The following NFATC4 variants were observed in gnomAD, a reference collection of about 807,000 sequenced individuals.
NFATC4 encodes nuclear factor of activated T-cells, cytoplasmic 4.
NFATC4 carries 25 observed loss-of-function variants against 73.4 expected under a neutral mutation model. The observed-to-expected ratio is 0.34, with a 90% CI of 0.25 to 0.48. NFATC4 has a LOEUF of 0.48. NFATC4 is among the 20% of genes least tolerant of loss of function. The pLI is 0.99. For missense variants in NFATC4, 1,130 were observed against 1,203.7 expected, an observed-to-expected ratio of 0.94 and a Z score of 0.91; for synonymous variants, 523 against 510.3, an observed-to-expected ratio of 1.02 and a Z score of -0.34.
intron 2 of NFATC4, 71 bp downstream of exon 2, chr14:24,370,665 G>A: frequency 6.5e-7 from 1 of 1,527,254 alleles, no homozygotes. Flanking sequence ...TCAAGGGATG[G>A]ATTTGAAGAC....
rs1373030318 is a variant in NFATC4 at position 24,376,819 on chromosome 14, G to T, written c.2582G>T (p.Gly861Val). 1 of 1,605,006 alleles carries T rather than the reference G, an allele frequency of 6.2e-7. No homozygotes were observed. Among genetic ancestry groups the T allele is most frequent in the East Asian group, 2.2e-5 (1 of 44,832 alleles). Residue 861 changes from glycine to valine, a missense_variant, in exon 9 of 10, where the codon GGT (glycine) becomes GTT (valine). This residue lies in a region of NFATC4 where 390 missense variants were observed against 408.1 expected (regional missense o/e 0.96). Transcript: ENST00000250373. This position sits in a 1 kb window ranked among gnomAD's most constrained non-coding sequence, Gnocchi z 5.0. ...GCTCCGGAGCAGGAGAAATCCAGGGGTGGCTACAGCAGCGGCTTCCGAGAC... is the reference window on the plus strand; with the variant it reads ...GCTCCGGAGCAGGAGAAATCCAGGGTTGGCTACAGCAGCGGCTTCCGAGAC... ...EGAPEQEKSR[G>V]GYSSGFRDSV...
At position 24,377,440 on chromosome 14, in the gene NFATC4, G is replaced by A; in HGVS notation, c.2642-198G>A. On this transcript the variant is annotated intron_variant, in intron 9 of 9. Coordinates refer to ENST00000250373, the MANE Select transcript of NFATC4 (RefSeq NM_004554.5). The surrounding 1 kb of genome is among the most constrained non-coding windows in gnomAD (Gnocchi z 4.2). ...ACGGGTGCCTGGGAGCCCACATGGA[G>A]GGAGTTGGGCAAGATTTGATTCGGA... is the stretch of plus-strand genomic sequence containing the variant. 1 of 1,425,534 alleles carries A rather than the reference G, an allele frequency of 7.0e-7. No individual in the cohort carries two copies. Among genetic ancestry groups the A allele is most frequent in the Non-Finnish European group, 9.1e-7 (1 of 1,093,402 alleles). 88.3% of individuals were successfully genotyped at this position (1,425,534 alleles called of 1,614,324 possible). A position where few individuals can be genotyped will look rare whatever the true frequency, so the allele number is the denominator to read the frequency against.
rs114981152 is a variant in NFATC4 at position 24,375,936 on chromosome 14, T to C, written c.1930-39T>C. The C allele has an allele frequency of 4.0e-4, 647 of 1,613,000 alleles. 4 individuals carry two copies. In the African/African-American group the frequency reaches 8.0e-3, roughly 20 times the overall value. ...CTGGAAAGGCTGGGCTAAGCCCAGA[T>C]GCCCGAGGGCTCCCTGCCTCATTTT... is the stretch of plus-strand genomic sequence containing the variant. On this transcript the variant is annotated intron_variant, in intron 7 of 9. Transcript: ENST00000250373.
Position 24,373,345 on chromosome 14 carries a change from C to T in NFATC4, c.1534C>T (p.Leu512=). 3.1e-6 allele frequency: 5 copies of T among 1,614,146 alleles called. No homozygotes were observed. Among genetic ancestry groups the T allele is most frequent in the Non-Finnish European group, 3.4e-6 (4 of 1,180,054 alleles). ...CACCAAGGTGTTGGAGATGACTCTG[C>T]TGCCTGAGAACAACATGGCGGCCAA... ...SGTKVLEMTL[L]PENNMAANID... The change falls in exon 4 of 10, where the codon CTG becomes TTG. Residue 512 remains leucine (L), a synonymous_variant. Transcript: ENST00000250373. The surrounding 1 kb of genome is among the most constrained non-coding windows in gnomAD (Gnocchi z 4.7).
intron 1 of NFATC4, 128 bp downstream of exon 1, chr14:24,368,568 G>C: frequency 2.0e-6 from 2 of 1,015,316 alleles, no homozygotes; most frequent in Non-Finnish European, 2.5e-6. Context: ...GGGAGTCGGG[G>C]GGACTCGTTG....
In NFATC4 at chr14:24,373,806, C is replaced by A. The variant is rs767254119; in HGVS notation, c.1671C>A (p.His557Gln). 4 of 1,614,112 alleles carry A rather than the reference C, an allele frequency of 2.5e-6. No individual in the cohort carries two copies. The highest frequency in any genetic ancestry group is 1.6e-4 in the Middle Eastern group (1 of 6,062). Reference sequence around the variant, plus strand: ...GTGTACGGCTGGTGTTCCGGGTACACGTGCCCCAGGGCGGCGGGAAGGTCG... The same window carrying A: ...GTGTACGGCTGGTGTTCCGGGTACAAGTGCCCCAGGGCGGCGGGAAGGTCG... Reference protein sequence around the residue: ...NTRVRLVFRVHVPQGGGKVVS... With the variant: ...NTRVRLVFRVQVPQGGGKVVS... The change falls in exon 5 of 10, where the codon CAC becomes CAA. Residue 557 changes from histidine to glutamine, a missense_variant. By Grantham distance (24) the His-to-Gln change is conservative (BLOSUM62 0). Around this residue, in one of 3 missense-constraint regions of NFATC4, gnomAD observed 155 missense variants for 221.2 expected, o/e 0.70. Coordinates refer to ENST00000250373, the MANE Select transcript of NFATC4 (RefSeq NM_004554.5). This position sits in a 1 kb window ranked among gnomAD's most constrained non-coding sequence, Gnocchi z 4.7.
In NFATC4 at chr14:24,368,302, T is replaced by C; in HGVS notation, c.-39T>C. 7.3e-7 allele frequency: 1 copy of C among 1,376,764 alleles called. No individual in the cohort carries two copies. The highest frequency in any genetic ancestry group is 9.4e-7 in the Non-Finnish European group (1 of 1,065,730). 85.3% of individuals were successfully genotyped at this position (1,376,764 alleles called of 1,614,324 possible). A position where few individuals can be genotyped will look rare whatever the true frequency, so the allele number is the denominator to read the frequency against. ...TACAGCAGCCTCCTGAACTCCCCCC[T>C]CCCACCCAGGCCGGGACCTGGGGGC... On this transcript the variant is annotated 5_prime_UTR_variant, in exon 1 of 10. Coordinates refer to ENST00000250373, the MANE Select transcript of NFATC4 (RefSeq NM_004554.5).
At position 24,376,460 on chromosome 14, in the gene NFATC4, C is replaced by A. The variant is rs147125766; in HGVS notation, c.2223C>A (p.Phe741Leu). ...AAACTCCTTACCTATCAGAAGGCTT[C>A]GGCTATGGCATGCCCCCTCTGTACC... ...ACETPYLSEGFGYGMPPLYPQ... is the reference protein window; with the variant it reads ...ACETPYLSEGLGYGMPPLYPQ... The change falls in exon 9 of 10, where the codon TTC (phenylalanine) becomes TTA (leucine). Residue 741 changes from phenylalanine to leucine, a missense_variant. Physicochemically the swap from Phe to Leu is conservative, Grantham distance 22. Coordinates refer to ENST00000250373, the MANE Select transcript of NFATC4 (RefSeq NM_004554.5). The surrounding 1 kb of genome is among the most constrained non-coding windows in gnomAD (Gnocchi z 5.0). 72 of 1,613,754 alleles carry A rather than the reference C, an allele frequency of 4.5e-5. No homozygotes were observed. Among genetic ancestry groups the A allele is most frequent in the Non-Finnish European group, 5.9e-5 (70 of 1,179,830 alleles).
chr14:24,368,424 G>A lies in NFATC4; in HGVS notation c.84G>A (p.Ala28=). Residue 28 remains alanine (A), a synonymous_variant, in exon 1 of 10, where the codon GCG becomes GCA. Transcript: ENST00000250373. The part of the protein sequence containing the change: ...GEEKEAPPLG[A]GGLGEELDSE... Reference sequence around the variant, plus strand: ...AAAAGGAGGCCCCCCCGCTGGGCGCGGGGGGATTGGGGGAAGGTTAGTGCT... The same window carrying A: ...AAAAGGAGGCCCCCCCGCTGGGCGCAGGGGGATTGGGGGAAGGTTAGTGCT... The A allele has an allele frequency of 7.4e-7, 1 of 1,342,482 alleles. No individual in the cohort carries two copies. The highest frequency in any genetic ancestry group is 1.5e-5 in the African/African-American group (1 of 65,504). 83.2% of individuals were successfully genotyped at this position (1,342,482 alleles called of 1,614,324 possible).
Position 24,370,605 on chromosome 14 carries a change from C to T in NFATC4, c.1196+11C>T, listed in dbSNP as rs56305813. On this transcript the variant is annotated intron_variant, in intron 2 of 9. Coordinates refer to ENST00000250373, the MANE Select transcript of NFATC4 (RefSeq NM_004554.5). ...CAGCCCTATCTTCAGGTGAGGGTTG[C>T]GCCTGGCACTACCGCTCTCTCTAGC... 50 of 1,596,716 alleles carry T rather than the reference C, an allele frequency of 3.1e-5. No individual in the cohort carries two copies. In the East Asian group the frequency reaches 4.7e-4, roughly 15 times the overall value.
In NFATC4 at chr14:24,377,581, T is replaced by C; in HGVS notation, c.2642-57T>C. The C allele has an allele frequency of 6.2e-7, 1 of 1,612,682 alleles. No homozygotes were observed. Among genetic ancestry groups the C allele is most frequent in the Non-Finnish European group, 8.5e-7 (1 of 1,179,268 alleles). ...CCTGGAATGGATTGGGGGTGGGTCT[T>C]TGGAAAAGGAGGGGACCCACCTCTA... is the stretch of plus-strand genomic sequence containing the variant. On this transcript the variant is annotated intron_variant, in intron 9 of 9. Coordinates refer to ENST00000250373, the MANE Select transcript of NFATC4 (RefSeq NM_004554.5). The surrounding 1 kb of genome is among the most constrained non-coding windows in gnomAD (Gnocchi z 4.2).
Position 24,368,194 on chromosome 14 carries a change from G to T in NFATC4, c.-147G>T. ...AGTTTGGAAAAGTTTCTATAATAAC[G>T]AGGGGGCTTCTGGAGGGAGGCGGCA... On this transcript the variant is annotated 5_prime_UTR_variant, in exon 1 of 10. Transcript: ENST00000250373. 1 of 1,278,984 alleles carries T rather than the reference G, an allele frequency of 7.8e-7. No individual in the cohort carries two copies. Among genetic ancestry groups the T allele is most frequent in the Non-Finnish European group, 9.9e-7 (1 of 1,008,242 alleles). 79.2% of individuals were successfully genotyped at this position (1,278,984 alleles called of 1,614,324 possible).
chr14:24,368,537 G>C, intron 1 of NFATC4, 97 bp downstream of exon 1: 1 of 1,174,586 alleles, frequency 8.5e-7, no homozygotes, highest in Non-Finnish European at 1.1e-6. Context: ...AGGGTGGGGG[G>C]TGAGGGAGTC....
At chr14:24,372,273 T>TA (rs76581326) in intron 2 of NFATC4, 168 bp from the exon 3 acceptor site, 23 of 722,180 alleles carry the variant, frequency 3.2e-5, no homozygotes, top group East Asian at 5.6e-5. Flanking sequence ...TTTTTTAGTT[T>TA]AAAAAAAATT....
rs1329881605 is a variant in NFATC4, at chr14:24,368,391, C to T, written c.51C>T (p.Phe17=). The change falls in exon 1 of 10, where the codon TTC becomes TTT. Residue 17 remains phenylalanine (F), a synonymous_variant. Transcript: ENST00000250373. ...AGGAGCTGGAATTTAAGCTGGTGTTCGGGGAGGAAAAGGAGGCCCCCCCGC... is the reference window on the plus strand; with the variant it reads ...AGGAGCTGGAATTTAAGCTGGTGTTTGGGGAGGAAAAGGAGGCCCCCCCGC... ...EDEELEFKLV[F]GEEKEAPPLG... 1 of 1,352,452 alleles carries T rather than the reference C, an allele frequency of 7.4e-7. No individual in the cohort carries two copies. The highest frequency in any genetic ancestry group is 9.5e-7 in the Non-Finnish European group (1 of 1,050,544). The allele number at this position is 1,352,452 out of a possible 1,614,324, so 83.8% of individuals were successfully genotyped here.
Position 24,377,890 on chromosome 14 carries a change from C to A in NFATC4, c.*185C>A. 7.9e-7 allele frequency: 1 copy of A among 1,266,748 alleles called. No individual in the cohort carries two copies. Among genetic ancestry groups the A allele is most frequent in the Non-Finnish European group, 1.1e-6 (1 of 935,560 alleles). 78.5% of individuals were successfully genotyped at this position (1,266,748 alleles called of 1,614,324 possible). On this transcript the variant is annotated 3_prime_UTR_variant, in exon 10 of 10. Coordinates refer to ENST00000250373, the MANE Select transcript of NFATC4 (RefSeq NM_004554.5). The surrounding 1 kb of genome is among the most constrained non-coding windows in gnomAD (Gnocchi z 4.2). ...TGAGGTGTGGCCCTCAGGCCTGGTG[C>A]TGCCTTGGAGGGCTGGGGGAAGGAG...
Position 24,373,386 on chromosome 14 carries a change from C to T in NFATC4, c.1559+16C>T, listed in dbSNP as rs749715768. ...TGGCGGCCAAGTAAGTCCCATGCAA[C>T]TTCCCCTCAGTCCGCAGGCTTTGTA... On this transcript the variant is annotated intron_variant, in intron 4 of 9. Transcript: ENST00000250373. The surrounding 1 kb of genome is among the most constrained non-coding windows in gnomAD (Gnocchi z 4.7). 9 of 1,613,038 alleles carry T rather than the reference C, an allele frequency of 5.6e-6. No homozygotes were observed. The highest frequency in any genetic ancestry group is 7.6e-6 in the Non-Finnish European group (9 of 1,179,880).
Position 24,373,912 on chromosome 14 carries a change from T to G in NFATC4, c.1732+45T>G. On this transcript the variant is annotated intron_variant, in intron 5 of 9. Transcript: ENST00000250373. The surrounding 1 kb of genome is among the most constrained non-coding windows in gnomAD (Gnocchi z 4.7). ...GCCATGTCTCTGTCTCTTGCAACTC[T>G]TTTGTCTGTGTGTGTGTGTCTGTCT... is the stretch of plus-strand genomic sequence containing the variant. The G allele has an allele frequency of 6.2e-7, 1 of 1,610,624 alleles. No individual in the cohort carries two copies. Among genetic ancestry groups the G allele is most frequent in the Non-Finnish European group, 8.5e-7 (1 of 1,178,332 alleles).
Position 24,369,820 on chromosome 14 carries a change from G to C in NFATC4, c.422G>C (p.Gly141Ala), listed in dbSNP as rs1401578758. The change falls in exon 2 of 10, where the codon GGC becomes GCC. Residue 141 changes from glycine (G) to alanine (A), a missense_variant. Coordinates refer to ENST00000250373, the MANE Select transcript of NFATC4 (RefSeq NM_004554.5). Reference protein sequence around the residue: ...LEDNPDAWGDGSPRDYPPPEG... With the variant: ...LEDNPDAWGDASPRDYPPPEG... ...GACAACCCTGATGCCTGGGGGGACG[G>C]CTCTCCTAGAGATTACCCCCCACCA... is the stretch of plus-strand genomic sequence containing the variant. The C allele has an allele frequency of 6.2e-7, 1 of 1,600,220 alleles. No individual in the cohort carries two copies. Among genetic ancestry groups the C allele is most frequent in the Admixed American group, 1.7e-5 (1 of 57,724 alleles).
Sources: gnomAD v4.1 joint callset for allele counts on GRCh38, gnomAD v4.1.1 for gene constraint, gnomAD v4.1.1 regional missense constraint, Gnocchi (gnomAD v3.1) non-coding constraint, MANE v1.5 for transcripts, NCBI Gene and HGNC (gene_info 2026-07-23, HGNC 2026-07-21) for gene names.